Variants in AHCTF1 observed in about 807,000 individuals in gnomAD.
AHCTF1 encodes protein ELYS.
Under a neutral mutation model 248.4 loss-of-function variants are expected in AHCTF1, and 24 were observed. The ratio of observed to expected loss-of-function variants is 0.10; its 90% confidence interval spans 0.07 to 0.14. AHCTF1 has a LOEUF of 0.14. AHCTF1 is among the 10% of genes least tolerant of loss of function. AHCTF1 has a pLI of 1.00. For synonymous variants in AHCTF1, 786 were observed against 929.8 expected (o/e 0.85, Z 2.81); for missense variants, 2,206 against 2,636.2 (o/e 0.84, Z 3.57).
intron 21 of AHCTF1, among the ~76,000 whole-genome samples, chr1:246,883,842 ATTAG>A (rs1357248478): frequency 6.6e-6 from 1 of 152,198 alleles, no homozygotes; most frequent in Non-Finnish European, 1.5e-5. Context: ...TAAACTATTT[ATTAG>A]TGTTTGTTTA....
At chr1:246,891,096 A>C (rs769453707) in intron 15 of AHCTF1, 36 bp from the exon 16 acceptor site, 16 of 1,372,882 alleles carry the variant, frequency 1.2e-5, no homozygotes, top group African/African-American at 1.5e-5. Flanking sequence ...GTTTACTTAC[A>C]AAAAAATCAA....
Position 246,907,564 on chromosome 1 carries a change from T to C in AHCTF1, c.751A>G (p.Ser251Gly). ...AGTTATACTTACTCTCTTTTCATGC[T>C]TTTCATGTTCCAAAGTGCTAGATAG... ...DGYLALWNMKSMKREYYIQLE... is the reference protein window; with the variant it reads ...DGYLALWNMKGMKREYYIQLE... The change falls in exon 5 of 36, where the codon AGC becomes GGC. Residue 251 changes from serine to glycine, a missense_variant. Ser to Gly is a moderately conservative substitution (Grantham distance 56). This residue lies in a region of AHCTF1 where 650 missense variants were observed against 870.8 expected (regional missense o/e 0.75). Transcript: ENST00000648844. The C allele has an allele frequency of 6.2e-7, 1 of 1,613,266 alleles. No homozygotes were observed.
At chr1:246,914,163 CTT>C (rs1247085520) in intron 3 of AHCTF1, among the ~76,000 whole-genome samples, 1 of 152,110 alleles carries the variant, frequency 6.6e-6, no homozygotes, top group East Asian at 1.9e-4. Context: ...ATATTTTATA[CTT>C]GTCTTTCCTT....
chr1:246,857,932 C>T, intron 29 of AHCTF1, 118 bp from the exon 30 acceptor site: 1 of 881,678 alleles, frequency 1.1e-6, no homozygotes, highest in South Asian at 1.9e-5. Context: ...TTTAGGTTTG[C>T]TGCTGTGTTA....
At position 246,857,792 on chromosome 1, in the gene AHCTF1, T is replaced by A; in HGVS notation, c.4155A>T (p.Thr1385=). 1 of 1,611,470 alleles carries A rather than the reference T, an allele frequency of 6.2e-7. No homozygotes were observed. ...CCTCTGCTGCAACTAAGAGATCCTTTGTTTCTGCATCTTCTAAATTGCCTA... is the reference window on the plus strand; with the variant it reads ...CCTCTGCTGCAACTAAGAGATCCTTAGTTTCTGCATCTTCTAAATTGCCTA... ...KQMGNLEDAE[T]KDLLVAAEAF... Residue 1385 remains threonine (T), a synonymous_variant, in exon 30 of 36, where the codon ACA becomes ACT. Coordinates refer to ENST00000648844, the MANE Select transcript of AHCTF1 (RefSeq NM_001323342.2).
Position 246,850,215 on chromosome 1 carries a change from G to A in AHCTF1, c.5791C>T (p.Arg1931Cys), listed in dbSNP as rs1226434538. The A allele has an allele frequency of 5.6e-6, 9 of 1,613,712 alleles. No individual in the cohort carries two copies. The highest frequency in any genetic ancestry group is 1.1e-5 in the South Asian group (1 of 91,062). ...QDDKSSDKQL[R>C]IKHVRRVRGR... The stretch of plus-strand genomic sequence containing the variant: ...CTGACCCTTCTAACATGTTTAATAC[G>A]CAGCTGCTTGTCACTGGATTTATCA... The change falls in exon 33 of 36, where the codon CGT becomes TGT. Residue 1931 changes from arginine to cysteine, a missense_variant. Arg to Cys is a radical substitution (Grantham distance 180). Coordinates refer to ENST00000648844, the MANE Select transcript of AHCTF1 (RefSeq NM_001323342.2).
chr1:246,852,520 C>T (rs1214185232), intron 32 of AHCTF1, among the ~76,000 whole-genome samples: 1 of 151,662 alleles, frequency 6.6e-6, no homozygotes, highest in Non-Finnish European at 1.5e-5. Context: ...TATTAAGTAG[C>T]AAAAAGTTAT....
In AHCTF1 at chr1:246,911,807, G is replaced by C. The variant is rs547071717; in HGVS notation, c.556+1425C>G. ...CTCTTCTATTAAGATATTTTAAAGTGCATGTATGACCATTATTTCTGCCAA... is the reference window on the plus strand; with the variant it reads ...CTCTTCTATTAAGATATTTTAAAGTCCATGTATGACCATTATTTCTGCCAA... On this transcript the variant is annotated intron_variant, in intron 4 of 35. Transcript: ENST00000648844. Among the ~76,000 whole-genome samples the C allele has an allele frequency of 4.6e-5, 7 of 152,182 alleles. No homozygotes were observed. The South Asian group carries it at 1.5e-3, about 32-fold the overall frequency.
chr1:246,916,605 G>T (rs1342582004), intron 2 of AHCTF1, among the ~76,000 whole-genome samples: 1 of 152,164 alleles, frequency 6.6e-6, no homozygotes, highest in Non-Finnish European at 1.5e-5. Context: ...AGTAAGCCGA[G>T]ATCATGCCAC....
intron 10 of AHCTF1, among the ~76,000 whole-genome samples, 183 bp from the exon 11 acceptor site, chr1:246,899,695 A>G (rs1168122673): frequency 6.6e-6 from 1 of 152,140 alleles, no homozygotes; most frequent in African/African-American, 2.4e-5. Flanking sequence ...TACACAGCAA[A>G]ACAAGAAAAA....
rs759251600 is a variant in AHCTF1, at chr1:246,861,057, G to A, written c.3974C>T (p.Pro1325Leu). The A allele has an allele frequency of 6.2e-6, 10 of 1,613,996 alleles. No homozygotes were observed. The highest frequency in any genetic ancestry group is 2.2e-5 in the South Asian group (2 of 91,070). Residue 1325 changes from proline (P) to leucine (L), a missense_variant, in exon 29 of 36, where the codon CCG (proline) becomes CTG (leucine). Physicochemically the swap from Pro to Leu is moderately conservative, Grantham distance 98. This residue lies in a region of AHCTF1 where 955 missense variants were observed against 1,055.6 expected (regional missense o/e 0.90). Coordinates refer to ENST00000648844, the MANE Select transcript of AHCTF1 (RefSeq NM_001323342.2). The stretch of plus-strand genomic sequence containing the variant: ...AGTCTCTTCAAGGTCTTCCGGTGAC[G>A]GTGCATCCTGATACTCTAAGGTAGT... ...DETTLEYQDA[P>L]SPEDLEETVF... is the part of the protein sequence containing the mutation.
chr1:246,841,462 G>C (rs980403030), intron 35 of AHCTF1, among the ~76,000 whole-genome samples: 1 of 152,096 alleles, frequency 6.6e-6, no homozygotes, highest in Non-Finnish European at 1.5e-5. Context: ...TGTAAACAGT[G>C]GTATTAGCCA....
chr1:246,912,685 G>C (rs556456915), intron 4 of AHCTF1, among the ~76,000 whole-genome samples: 3 of 152,230 alleles, frequency 2.0e-5, no homozygotes, highest in Admixed American at 2.0e-4. Flanking sequence ...GCATTTAAAG[G>C]AGAAAAAGTA....
intron 13 of AHCTF1, 120 bp downstream of exon 13, chr1:246,895,706 TTGCATCTTA>T (rs1426256101): frequency 2.0e-5 from 15 of 739,324 alleles, no homozygotes; most frequent in Non-Finnish European, 3.3e-5. Flanking sequence ...GATCTCTCTA[TTGCATCTTA>T]ACAACTGCAT....
At chr1:246,849,040 GC>G (rs1262086716) in intron 33 of AHCTF1, among the ~76,000 whole-genome samples, 3 of 152,144 alleles carry the variant, frequency 2.0e-5, no homozygotes, top group Non-Finnish European at 4.4e-5. Context: ...GCATATATGT[GC>G]TCCCTTTGGG....
Position 246,840,785 on chromosome 1 carries a change from C to T in AHCTF1, c.*21G>A. Reference sequence around the variant, plus strand: ...TCTGATGACTTTACAAATAGGTGTACATTAAAATCTTCCCAAGAAATTACA... The same window carrying T: ...TCTGATGACTTTACAAATAGGTGTATATTAAAATCTTCCCAAGAAATTACA... On this transcript the variant is annotated 3_prime_UTR_variant, in exon 36 of 36. Coordinates refer to ENST00000648844, the MANE Select transcript of AHCTF1 (RefSeq NM_001323342.2). 1.3e-6 allele frequency: 2 copies of T among 1,580,520 alleles called. No individual in the cohort carries two copies. The highest frequency in any genetic ancestry group is 2.7e-5 in the African/African-American group (2 of 73,624).
intron 11 of AHCTF1, among the ~76,000 whole-genome samples, chr1:246,898,643 CACACACACACACACACACACAG>C (rs1195271077): frequency 1.4e-5 from 2 of 146,624 alleles, no homozygotes; most frequent in African/African-American, 4.9e-5. Context: ...CACACACACA[CACACACACACACACACACACAG>C]GAAAACTCCT....
intron 35 of AHCTF1, among the ~76,000 whole-genome samples, chr1:246,841,822 C>T (rs556136510): frequency 6.6e-6 from 1 of 152,170 alleles, no homozygotes; most frequent in South Asian, 2.1e-4. Flanking sequence ...GACAGAGTCT[C>T]AGTCTGTCAC....
rs755054696 is a variant in AHCTF1 at position 246,877,225 on chromosome 1, T to C, written c.2738A>G (p.Tyr913Cys). 3 of 1,613,398 alleles carry C rather than the reference T, an allele frequency of 1.9e-6. No individual in the cohort carries two copies. The highest frequency in any genetic ancestry group is 1.7e-4 in the Middle Eastern group (1 of 5,986). ...CAAGCCCATTTCCTGACAGACTTCATACATGTGCTTCAGTAACTCCTCTAT... is the reference window on the plus strand; with the variant it reads ...CAAGCCCATTTCCTGACAGACTTCACACATGTGCTTCAGTAACTCCTCTAT... ...LNIEELLKHM[Y>C]EVCQEMGLME... is the part of the protein sequence containing the mutation. Residue 913 changes from tyrosine to cysteine, a missense_variant, in exon 22 of 36, where the codon TAT becomes TGT. This residue lies in a region of AHCTF1 where 955 missense variants were observed against 1,055.6 expected (regional missense o/e 0.90). Transcript: ENST00000648844.
Sources: gnomAD v4.1 joint callset for allele counts (sites outside exome capture counted in the v4.1 genomes callset) on GRCh38, gnomAD v4.1.1 for gene constraint, gnomAD v4.1.1 regional missense constraint, MANE v1.5 for transcripts, NCBI Gene and HGNC (gene_info 2026-07-23, HGNC 2026-07-21) for gene names.